The following LRRC20 variants were observed in gnomAD, a reference collection of about 807,000 sequenced individuals.
The protein encoded by LRRC20 is leucine rich repeat containing 20.
Under a neutral mutation model 14.4 loss-of-function variants are expected in LRRC20, and 11 were observed. The ratio of observed to expected loss-of-function variants is 0.77; its 90% CI spans 0.48 to 1.27. The LOEUF (loss-of-function observed/expected upper bound fraction) is 1.27. Among genes scored for constraint, LRRC20 ranks in the 50% most tolerant of loss-of-function variants. The probability of loss-of-function intolerance (pLI) is 0.00; values close to 1 mark genes in which losing one functional copy is unlikely to be tolerated. For missense variants in LRRC20, 219 were observed against 251.2 expected (o/e 0.87, Z 0.87); for synonymous variants, 121 against 107.3 (o/e 1.13, Z -0.79).
intron 4 of LRRC20, among the ~76,000 whole-genome samples, chr10:70,317,889 A>G (rs1392405525): frequency 6.6e-6 from 1 of 152,244 alleles, no homozygotes; most frequent in East Asian, 1.9e-4. Context: ...GGCAGGAGGC[A>G]GAGCTTTGGG....
At chr10:70,356,347 A>G (rs777336518) in intron 2 of LRRC20, among the ~76,000 whole-genome samples, 19 of 151,980 alleles carry the variant, frequency 1.3e-4, no homozygotes, top group Non-Finnish European at 2.8e-4. Flanking sequence ...CCCTGGTTCT[A>G]TAAAAAATAC....
At chr10:70,348,365 A>G (rs564048671) in intron 2 of LRRC20, among the ~76,000 whole-genome samples, 52 of 152,346 alleles carry the variant, frequency 3.4e-4, no homozygotes, top group South Asian at 6.2e-4. Flanking sequence ...GAGATCCAGG[A>G]GCAAATATCA....
chr10:70,361,365 T>C (rs904621053), intron 2 of LRRC20, among the ~76,000 whole-genome samples: 1 of 152,176 alleles, frequency 6.6e-6, no homozygotes, highest in Non-Finnish European at 1.5e-5. Flanking sequence ...GCTTACGCCC[T>C]AGTGTGGCGA....
chr10:70,332,015 C>G (rs12779504), intron 3 of LRRC20, among the ~76,000 whole-genome samples: 20,780 of 152,194 alleles, frequency 0.14, 1,502 homozygotes, highest in South Asian at 0.19. Context: ...AACCCATGCT[C>G]GAAGGAATGT....
intron 4 of LRRC20, among the ~76,000 whole-genome samples, chr10:70,311,473 C>T (rs1025177816): frequency 9.9e-5 from 15 of 152,056 alleles, no homozygotes; most frequent in African/African-American, 3.4e-4. Context: ...CCACCTGCCT[C>T]GGCCTCCCAA....
intron 4 of LRRC20, among the ~76,000 whole-genome samples, chr10:70,306,131 C>CA (rs1458559599): frequency 6.6e-6 from 1 of 151,716 alleles, no homozygotes; most frequent in Non-Finnish European, 1.5e-5. Context: ...TCTCTCTCCC[C>CA]CACCCCACAC....
intron 4 of LRRC20, among the ~76,000 whole-genome samples, chr10:70,322,923 C>T (rs115623916): frequency 0.01 from 1,565 of 151,698 alleles, 29 homozygotes; most frequent in African/African-American, 0.036. Flanking sequence ...GGAGGCAGGC[C>T]ATTCCCCATC....
intron 1 of LRRC20, among the ~76,000 whole-genome samples, chr10:70,379,793 G>T (rs1844641677): frequency 6.6e-6 from 1 of 152,180 alleles, no homozygotes; most frequent in Non-Finnish European, 1.5e-5. Flanking sequence ...TGGTGCCTTA[G>T]ACCAGCGGTC....
chr10:70,354,148 T>C (rs76330747), intron 2 of LRRC20, among the ~76,000 whole-genome samples: 2,100 of 152,264 alleles, frequency 0.014, 57 homozygotes, highest in African/African-American at 0.048. Context: ...GGGAGCTCTA[T>C]AGACTCTTGA....
chr10:70,314,781 C>T (rs1841796484), intron 4 of LRRC20, among the ~76,000 whole-genome samples: 2 of 152,168 alleles, frequency 1.3e-5, no homozygotes. Flanking sequence ...GCAGAGTTGA[C>T]AGGAGCTAGC....
chr10:70,311,251 C>G (rs889761955), intron 4 of LRRC20, among the ~76,000 whole-genome samples: 1 of 98,078 alleles, frequency 1.0e-5, no homozygotes, highest in African/African-American at 4.0e-5. Flanking sequence ...TTTTTTGAGA[C>G]AGAGTCTTGC....
At chr10:70,359,223 C>G (rs1053785292) in intron 2 of LRRC20, among the ~76,000 whole-genome samples, 16 of 152,282 alleles carry the variant, frequency 1.1e-4, no homozygotes, top group African/African-American at 3.9e-4. Flanking sequence ...ATTCGAACAC[C>G]TGAACACCAC....
intron 1 of LRRC20, chr10:70,376,836 T>G: frequency 2.4e-6 from 1 of 410,748 alleles, no homozygotes; most frequent in Non-Finnish European, 4.5e-6. Context: ...AGGATCAACA[T>G]GTGTGACCTC....
intron 3 of LRRC20, among the ~76,000 whole-genome samples, chr10:70,337,123 T>C (rs976237672): frequency 1.4e-4 from 21 of 152,192 alleles, no homozygotes; most frequent in Admixed American, 3.3e-4. Context: ...CAGGAGACAT[T>C]GTGGCAGGCA....
intron 4 of LRRC20, among the ~76,000 whole-genome samples, chr10:70,307,120 C>T (rs1450041469): frequency 2.0e-5 from 3 of 152,212 alleles, no homozygotes; most frequent in Non-Finnish European, 2.9e-5. Flanking sequence ...GTCCTGGTTC[C>T]TTTCAATGGG....
chr10:70,313,576 T>C (rs1810179612), intron 4 of LRRC20, among the ~76,000 whole-genome samples: 1 of 152,244 alleles, frequency 6.6e-6, no homozygotes, highest in South Asian at 2.1e-4. Flanking sequence ...TGATGATTCT[T>C]GAGCATAAGC....
chr10:70,309,655 C>T (rs1841570482), intron 4 of LRRC20, among the ~76,000 whole-genome samples: 1 of 152,266 alleles, frequency 6.6e-6, no homozygotes, highest in Non-Finnish European at 1.5e-5. Context: ...TCCCCATCCG[C>T]TACTGAAGAC....
chr10:70,381,363 T>C (rs1844701283), intron 1 of LRRC20: 1 of 152,250 alleles, frequency 6.6e-6, no homozygotes, highest in Non-Finnish European at 1.5e-5. Context: ...TGTCCTGCTT[T>C]GGGGGAGCTG....
chr10:70,344,741 A>AT (rs1843019212), intron 2 of LRRC20, among the ~76,000 whole-genome samples: 1 of 151,872 alleles, frequency 6.6e-6, no homozygotes, highest in South Asian at 2.1e-4. Context: ...TAATTTTTGT[A>AT]TTTTTTGTAG....
Sources: allele counts gnomAD v4.1 joint callset (sites outside exome capture counted in the v4.1 genomes callset), GRCh38; gene constraint gnomAD v4.1.1; transcripts MANE v1.5; gene names NCBI Gene and HGNC (gene_info 2026-07-23, HGNC 2026-07-21).